The following USP43 variants were observed in gnomAD, a reference collection of about 807,000 sequenced individuals.
USP43 encodes the protein ubiquitin carboxyl-terminal hydrolase 43.
A neutral mutation model predicts 90.7 loss-of-function variants in USP43; 33 were observed. That is an observed-to-expected ratio of 0.36 (90% CI 0.28 to 0.49). The LOEUF is 0.49. Among genes scored for constraint, USP43 ranks in the 20% least tolerant of loss-of-function variants. The pLI is 0.98. For synonymous variants in USP43, 598 were observed against 615.8 expected (o/e 0.97, Z 0.43); for missense variants, 1,274 against 1,476.4 (o/e 0.86, Z 2.25).
chr17:9,673,093 C>A (rs769103360), intron 3 of USP43, among the ~76,000 whole-genome samples: 2 of 152,044 alleles, frequency 1.3e-5, no homozygotes, highest in Admixed American at 6.6e-5. Flanking sequence ...GTGTCCTCAG[C>A]GAAGTTAATG....
chr17:9,675,064 C>A (rs185987165), intron 4 of USP43, 81 bp downstream of exon 4: 362 of 1,196,196 alleles, frequency 3.0e-4, no homozygotes, highest in South Asian at 5.9e-4. Context: ...CTCACACCTG[C>A]CATTTTCTCT....
At position 9,682,850 on chromosome 17, in the gene USP43, C is replaced by A; in HGVS notation, c.1133C>A (p.Pro378Gln). Reference protein sequence around the residue: ...SAHPLGLSASPRLAAREGQRF... With the variant: ...SAHPLGLSASQRLAAREGQRF... ...CATCCACTGGGTCTGTCGGCCTCCC[C>A]ACGCCTGGCAGCCCGTGAGGGCCAG... Residue 378 changes from proline (P) to glutamine (Q), a missense_variant, in exon 7 of 15, where the codon CCA (proline) becomes CAA (glutamine). Coordinates refer to ENST00000285199, the MANE Select transcript of USP43 (RefSeq NM_153210.5). 1 of 1,614,016 alleles carries A rather than the reference C, an allele frequency of 6.2e-7. No homozygotes were observed. Among genetic ancestry groups the A allele is most frequent in the Non-Finnish European group, 8.5e-7 (1 of 1,179,880 alleles).
chr17:9,651,648 A>G (rs1229191534), intron 1 of USP43, among the ~76,000 whole-genome samples: 3 of 151,908 alleles, frequency 2.0e-5, no homozygotes, highest in Non-Finnish European at 4.4e-5. Context: ...CTGCTTTTCT[A>G]TGGTTATATT....
At chr17:9,652,349 G>A (rs536611505) in intron 1 of USP43, among the ~76,000 whole-genome samples, 1 of 151,534 alleles carries the variant, frequency 6.6e-6, no homozygotes, top group Non-Finnish European at 1.5e-5. Flanking sequence ...TGTTTCCATA[G>A]ACTTTCTTTT....
intron 4 of USP43, among the ~76,000 whole-genome samples, chr17:9,675,639 T>G (rs569045003): frequency 6.6e-6 from 1 of 152,082 alleles, no homozygotes; most frequent in Non-Finnish European, 1.5e-5. Context: ...AAGTGCCATT[T>G]CTCTTACCCT....
chr17:9,699,841 G>A (rs1915469779), intron 9 of USP43, among the ~76,000 whole-genome samples: 1 of 152,196 alleles, frequency 6.6e-6, no homozygotes, highest in Non-Finnish European at 1.5e-5. Context: ...GTGTAGGATG[G>A]TCAAGTGGAA....
At chr17:9,688,988 C>G (rs1191589418) in intron 8 of USP43, among the ~76,000 whole-genome samples, 1 of 152,076 alleles carries the variant, frequency 6.6e-6, no homozygotes, top group Non-Finnish European at 1.5e-5. Flanking sequence ...TGTGCCCAGC[C>G]CAATTTCAAT....
At chr17:9,659,367 G>C (rs2151964965) in intron 2 of USP43, among the ~76,000 whole-genome samples, 1 of 152,272 alleles carries the variant, frequency 6.6e-6, no homozygotes, top group East Asian at 1.9e-4. Context: ...CTATTTTACA[G>C]TTAATGGAAA....
Position 9,674,853 on chromosome 17 carries a change from T to C in USP43, c.741-38T>C. ...GAATTTTACCCCCAAATTGTTTACG[T>C]GTGATTAAACGTTCGCCTCTGTTCT... On this transcript the variant is annotated intron_variant, in intron 3 of 14. Transcript: ENST00000285199. The surrounding 1 kb of genome is among the most constrained non-coding windows in gnomAD (Gnocchi z 4.4). The C allele has an allele frequency of 6.4e-7, 1 of 1,553,086 alleles. No homozygotes were observed. The highest frequency in any genetic ancestry group is 8.9e-7 in the Non-Finnish European group (1 of 1,124,958).
At chr17:9,665,407 G>A (rs1445187800) in intron 2 of USP43, among the ~76,000 whole-genome samples, 2 of 152,174 alleles carry the variant, frequency 1.3e-5, no homozygotes, top group Non-Finnish European at 2.9e-5. Context: ...CATGGTGGAA[G>A]GGGAAGCAGG....
rs79321915 is a variant in USP43 at position 9,710,421 on chromosome 17, A to G, written c.2170+307A>G. 3.6e-4 allele frequency among the ~76,000 whole-genome samples: 54 copies of G among 148,674 alleles called. 1 individual carries two copies. In the East Asian group the frequency reaches 9.8e-3, roughly 27 times the overall value. On this transcript the variant is annotated intron_variant, in intron 13 of 14. Transcript: ENST00000285199. ...TATCACAGCAGGTTTTTTGAGGTGT[A>G]TGTAATGTAAACTGATGTCAGTCCT... is the stretch of plus-strand genomic sequence containing the variant.
Position 9,645,683 on chromosome 17 carries a change from GC to G in USP43, c.55del (p.Arg19AlafsTer85). ...CAGGAGGGGGACCGCTCGCGCCCCG[GC>G]CCCGCCGCCGCCGCTCCCTGCGCCG... The part of the protein sequence containing the change: ...AAGGGPLAPR[P>X]RRRRSLRRLF... On this transcript the variant is annotated frameshift_variant, in exon 1 of 15. Coordinates refer to ENST00000285199, the MANE Select transcript of USP43 (RefSeq NM_153210.5). LOFTEE classifies it high-confidence loss of function. The surrounding 1 kb of genome is among the most constrained non-coding windows in gnomAD (Gnocchi z 6.8). 1 of 1,286,670 alleles carries G rather than the reference GC, an allele frequency of 7.8e-7. No individual in the cohort carries two copies. Among genetic ancestry groups the G allele is most frequent in the Non-Finnish European group, 9.8e-7 (1 of 1,023,366 alleles). 79.7% of individuals were successfully genotyped at this position (1,286,670 alleles called of 1,614,324 possible). A position where few individuals can be genotyped will look rare whatever the true frequency, so the allele number is the denominator to read the frequency against.
chr17:9,705,722 C>G (rs540727890), intron 12 of USP43, among the ~76,000 whole-genome samples: 6 of 151,538 alleles, frequency 4.0e-5, no homozygotes, highest in Non-Finnish European at 8.8e-5. Flanking sequence ...CCACTGCACT[C>G]CAGCCTGGGT....
intron 9 of USP43, among the ~76,000 whole-genome samples, chr17:9,696,575 A>G (rs1018223455): frequency 6.6e-6 from 1 of 152,184 alleles, no homozygotes; most frequent in Non-Finnish European, 1.5e-5. Context: ...CTGGTAACTA[A>G]ACACTTGCCA....
intron 6 of USP43, 77 bp downstream of exon 6, chr17:9,680,443 G>A (rs1567660045): frequency 6.6e-7 from 1 of 1,519,642 alleles, no homozygotes; most frequent in Non-Finnish European, 8.9e-7. Flanking sequence ...TGGGTGCAAA[G>A]GCATAAAACA....
intron 13 of USP43, 36 bp from the exon 14 acceptor site, chr17:9,711,932 T>A: frequency 6.5e-7 from 1 of 1,548,364 alleles, no homozygotes. Context: ...AGTGCTGGGG[T>A]TGGGCTCAGC....
At chr17:9,700,035 A>T (rs1454016136) in intron 9 of USP43, 137 bp from the exon 10 acceptor site, 2 of 792,632 alleles carry the variant, frequency 2.5e-6, no homozygotes, top group Admixed American at 5.4e-5. Flanking sequence ...AGGATAGCTG[A>T]CCTTGGCTTA....
chr17:9,724,056 A>C (rs78548482), intron 14 of USP43, among the ~76,000 whole-genome samples: 6,125 of 152,132 alleles, frequency 0.04, 228 homozygotes, highest in East Asian at 0.21. Context: ...TCTGGTGATT[A>C]TTCTTCTCTG....
intron 3 of USP43, among the ~76,000 whole-genome samples, chr17:9,667,681 G>T (rs1913130800): frequency 6.6e-6 from 1 of 152,184 alleles, no homozygotes; most frequent in Non-Finnish European, 1.5e-5. Flanking sequence ...ACAAATGCAA[G>T]CTTAAAGGTG....
Sources: allele counts gnomAD v4.1 joint callset (sites outside exome capture counted in the v4.1 genomes callset), GRCh38; gene constraint gnomAD v4.1.1; non-coding constraint Gnocchi (gnomAD v3.1); transcripts MANE v1.5; gene names NCBI Gene and HGNC (gene_info 2026-07-23, HGNC 2026-07-21).